The following CRIPT variants were observed in gnomAD, a reference collection of about 807,000 sequenced individuals.
The protein encoded by CRIPT is cysteine-rich PDZ-binding protein.
CRIPT carries 20 observed loss-of-function variants against 16.6 expected under a neutral mutation model. The observed-to-expected ratio is 1.20, with a 90% CI of 0.85 to 1.75. The LOEUF (loss-of-function observed/expected upper bound fraction) is 1.75, where lower values mean the gene tolerates loss of function less well. CRIPT is among the 40% of genes most tolerant of loss of function. CRIPT has a pLI of 0.00. For missense variants in CRIPT, 133 were observed against 115.3 expected (o/e 1.15, Z -0.70); for synonymous variants, 42 against 37.0 (o/e 1.14, Z -0.49).
chr2:46,623,593 A>T (rs142863813), intron 3 of CRIPT, among the ~76,000 whole-genome samples, 171 bp from the exon 4 acceptor site: 18 of 152,342 alleles, frequency 1.2e-4, no homozygotes, highest in Non-Finnish European at 8.8e-5. Flanking sequence ...CAGAGCAGAG[A>T]TGTACAGGCA....
chr2:46,623,807 T>G lies in CRIPT; in HGVS notation c.181T>G (p.Cys61Gly), dbSNP rs1279324523. ...GKNKFSTCRICKSSVHQPGSH... is the reference protein window; with the variant it reads ...GKNKFSTCRIGKSSVHQPGSH... ...GAATAAGTTCTCCACTTGTAGAATT[T>G]GTAAAAGTTCTGTGCACCAACCAGG... Residue 61 changes from cysteine to glycine, a missense_variant, in exon 4 of 5, where the codon TGT becomes GGT. By Grantham distance (159) the Cys-to-Gly change is radical. Coordinates refer to ENST00000238892, the MANE Select transcript of CRIPT (RefSeq NM_014171.6). 6.2e-7 allele frequency: 1 copy of G among 1,611,052 alleles called. No individual in the cohort carries two copies.
At chr2:46,624,052 C>G (rs998619638) in intron 4 of CRIPT, 111 bp from the exon 5 acceptor site, 17 of 448,940 alleles carry the variant, frequency 3.8e-5, no homozygotes, top group Non-Finnish European at 4.6e-5. Flanking sequence ...TTTTTTTTTT[C>G]TTTTCTTTTC....
chr2:46,617,682 C>A (rs987194541), intron 1 of CRIPT, among the ~76,000 whole-genome samples: 1 of 152,184 alleles, frequency 6.6e-6, no homozygotes, highest in African/African-American at 2.4e-5. Flanking sequence ...GACACTAGAA[C>A]CAAAGACTAA....
At chr2:46,622,343 C>G (rs1035408790) in intron 3 of CRIPT, among the ~76,000 whole-genome samples, 1 of 148,894 alleles carries the variant, frequency 6.7e-6, no homozygotes, top group African/African-American at 2.5e-5. Context: ...GCATTCCAGC[C>G]TGGGCGACAG....
chr2:46,624,244 T>G lies in CRIPT; in HGVS notation c.*17T>G, dbSNP rs759703483. 3 of 1,521,198 alleles carry G rather than the reference T, an allele frequency of 2.0e-6. No homozygotes were observed. In the East Asian group the frequency reaches 7.1e-5, roughly 36 times the overall value. 94.2% of individuals were successfully genotyped at this position (1,521,198 alleles called of 1,614,324 possible). A position where few individuals can be genotyped will look rare whatever the true frequency, so the allele number is the denominator to read the frequency against. ...TCTGTCTAGATGTATTGATGGAATTTCTGGCTTTCTAAATGATTTTACTTT... is the reference window on the plus strand; with the variant it reads ...TCTGTCTAGATGTATTGATGGAATTGCTGGCTTTCTAAATGATTTTACTTT... On this transcript the variant is annotated 3_prime_UTR_variant, in exon 5 of 5. Transcript: ENST00000238892.
chr2:46,622,673 C>T (rs866254144), intron 3 of CRIPT, among the ~76,000 whole-genome samples: 2 of 151,998 alleles, frequency 1.3e-5, no homozygotes, highest in Non-Finnish European at 1.5e-5. Flanking sequence ...ATTAGCCGGG[C>T]GTGGTAGCGC....
Position 46,627,529 on chromosome 2 carries a change from C to T in CRIPT, c.*3302C>T, listed in dbSNP as rs1670968809. On this transcript the variant is annotated 3_prime_UTR_variant, in exon 5 of 5. Transcript: ENST00000238892. Reference sequence around the variant, plus strand: ...TACAATCTTGGCTCACCACAACCTCCACCTCCCAGGCTCAAGCGATTCTCA... The same window carrying T: ...TACAATCTTGGCTCACCACAACCTCTACCTCCCAGGCTCAAGCGATTCTCA... Among the ~76,000 whole-genome samples, 2 of 151,918 alleles carry T rather than the reference C, an allele frequency of 1.3e-5. No homozygotes were observed. The highest frequency in any genetic ancestry group is 4.8e-5 in the African/African-American group (2 of 41,330).
In CRIPT at chr2:46,622,908, G is replaced by A. The variant is rs562766533; in HGVS notation, c.138-856G>A. On this transcript the variant is annotated intron_variant, in intron 3 of 4. Transcript: ENST00000238892. ...CAAGAGAAGACACCAGTTCTAGGAC[G>A]GTGTTTCGTATCTAGTATATGAGGA... Among the ~76,000 whole-genome samples, 15 of 151,640 alleles carry A rather than the reference G, an allele frequency of 9.9e-5. No individual in the cohort carries two copies. In the South Asian group the frequency reaches 1.0e-3, roughly 11 times the overall value.
At chr2:46,620,736 T>TTA (rs1039434415) in intron 3 of CRIPT, among the ~76,000 whole-genome samples, 18 of 147,758 alleles carry the variant, frequency 1.2e-4, no homozygotes, top group South Asian at 4.2e-4. Context: ...TATAATATTA[T>TTA]TATATATATA....
In CRIPT at chr2:46,627,177, T is replaced by G. The variant is rs537792255; in HGVS notation, c.*2950T>G. 6.6e-6 allele frequency among the ~76,000 whole-genome samples: 1 copy of G among 152,198 alleles called. No individual in the cohort carries two copies. Among genetic ancestry groups the G allele is most frequent in the Non-Finnish European group, 1.5e-5 (1 of 68,024 alleles). ...TTTTCTGAATTGTTTTAGTTCCTTA[T>G]AGATTTTGGACATTAGACCTTTTTC... On this transcript the variant is annotated 3_prime_UTR_variant, in exon 5 of 5. Coordinates refer to ENST00000238892, the MANE Select transcript of CRIPT (RefSeq NM_014171.6).
rs1292077400 is a variant in CRIPT at position 46,629,843 on chromosome 2, G to C, written c.*5616G>C. 6.6e-6 allele frequency among the ~76,000 whole-genome samples: 1 copy of C among 152,160 alleles called. No individual in the cohort carries two copies. Among genetic ancestry groups the C allele is most frequent in the African/African-American group, 2.4e-5 (1 of 41,440 alleles). ...ACTTTGAGACCTTGTTGACAATTCT[G>C]TTCCTCATCAAATCTACCCCTCCTA... On this transcript the variant is annotated 3_prime_UTR_variant, in exon 5 of 5. Transcript: ENST00000238892.
In CRIPT at chr2:46,627,473, T is replaced by TTTG. The variant is rs1670967320; in HGVS notation, c.*3246_*3247insTTG. Reference sequence around the variant, plus strand: ...TTTTTTTTTCCCCAAAGACAGAGTCTCCTTCTGTTGCCCAGGCTGGAGTAC... The same window carrying TTTG: ...TTTTTTTTTCCCCAAAGACAGAGTCTTTGCCTTCTGTTGCCCAGGCTGGAGTAC... On this transcript the variant is annotated 3_prime_UTR_variant, in exon 5 of 5. Coordinates refer to ENST00000238892, the MANE Select transcript of CRIPT (RefSeq NM_014171.6). Among the ~76,000 whole-genome samples, 1 of 151,268 alleles carries TTTG rather than the reference T, an allele frequency of 6.6e-6. No individual in the cohort carries two copies. The highest frequency in any genetic ancestry group is 1.9e-4 in the East Asian group (1 of 5,162).
Position 46,619,663 on chromosome 2 carries a change from T to C in CRIPT, c.119T>C (p.Leu40Ser). 1 of 1,612,088 alleles carries C rather than the reference T, an allele frequency of 6.2e-7. No homozygotes were observed. The highest frequency in any genetic ancestry group is 8.5e-7 in the Non-Finnish European group (1 of 1,179,106). ...AGAAAGCTGAATGAAAATAAAGCTT[T>C]GACTTCAAAAAAAGCAAGGTGGGTA... ...GGRKLNENKA[L>S]TSKKARFDPY... The change falls in exon 3 of 5, where the codon TTG becomes TCG. Residue 40 changes from leucine (L) to serine (S), a missense_variant. Coordinates refer to ENST00000238892, the MANE Select transcript of CRIPT (RefSeq NM_014171.6).
Position 46,629,924 on chromosome 2 carries a change from A to G in CRIPT, c.*5697A>G, listed in dbSNP as rs1199214551. Among the ~76,000 whole-genome samples, 2 of 152,212 alleles carry G rather than the reference A, an allele frequency of 1.3e-5. No individual in the cohort carries two copies. Among genetic ancestry groups the G allele is most frequent in the Non-Finnish European group, 2.9e-5 (2 of 68,044 alleles). On this transcript the variant is annotated 3_prime_UTR_variant, in exon 5 of 5. Coordinates refer to ENST00000238892, the MANE Select transcript of CRIPT (RefSeq NM_014171.6). ...AATAAATTTTTACTAGGATGTTTCC[A>G]AAATTGTGATTGTTCTAACTCTATT...
rs1657663313 is a variant in CRIPT at position 46,627,223 on chromosome 2, T to G, written c.*2996T>G. Among the ~76,000 whole-genome samples, 1 of 152,194 alleles carries G rather than the reference T, an allele frequency of 6.6e-6. No individual in the cohort carries two copies. The highest frequency in any genetic ancestry group is 1.5e-5 in the Non-Finnish European group (1 of 68,042). ...TTTTCAGATGCACAGTTTGTGAATA[T>G]TCTCTCCCATTCTGTAGGTTGTCTG... On this transcript the variant is annotated 3_prime_UTR_variant, in exon 5 of 5. Transcript: ENST00000238892.
At chr2:46,620,307 T>G (rs558437755) in intron 3 of CRIPT, among the ~76,000 whole-genome samples, 1 of 152,106 alleles carries the variant, frequency 6.6e-6, no homozygotes, top group South Asian at 2.1e-4. Flanking sequence ...ATTAACTGGG[T>G]GTGGCAGCAC....
intron 3 of CRIPT, among the ~76,000 whole-genome samples, chr2:46,620,031 C>T (rs182630709): frequency 1.3e-5 from 2 of 152,308 alleles, no homozygotes; most frequent in African/African-American, 2.4e-5. Flanking sequence ...ACTGTCTAGC[C>T]TTATGACCTT....
At chr2:46,620,701 TGTA>T (rs2104168542) in intron 3 of CRIPT, among the ~76,000 whole-genome samples, 1 of 147,396 alleles carries the variant, frequency 6.8e-6, no homozygotes, top group South Asian at 2.1e-4. Context: ...TATATATATA[TGTA>T]ATAATATTAT....
intron 3 of CRIPT, among the ~76,000 whole-genome samples, chr2:46,620,933 T>TCCCTTTCC (rs1670786535): frequency 1.3e-5 from 2 of 151,970 alleles, no homozygotes; most frequent in African/African-American, 4.8e-5. Context: ...CACTGAGTCC[T>TCCCTTTCC]CCCTTTCCCC....
Sources: gnomAD v4.1 joint callset for allele counts (sites outside exome capture counted in the v4.1 genomes callset) on GRCh38, gnomAD v4.1.1 for gene constraint, MANE v1.5 for transcripts, NCBI Gene and HGNC (gene_info 2026-07-23, HGNC 2026-07-21) for gene names.